STXBP5: variants seen among roughly 807,000 people sequenced by gnomAD.
The protein encoded by STXBP5 is syntaxin-binding protein 5.
In STXBP5, 50 loss-of-function variants were observed where a neutral mutation model predicts 152.4. The ratio of observed to expected loss-of-function variants is 0.33; its 90% confidence interval spans 0.26 to 0.42. The LOEUF (loss-of-function observed/expected upper bound fraction) is 0.42. STXBP5 is among the 10% of genes least tolerant of loss of function. The probability of loss-of-function intolerance (pLI) is 1.00; values close to 1 mark genes in which losing one functional copy is unlikely to be tolerated. For missense variants in STXBP5, 1,167 were observed against 1,388.6 expected (o/e 0.84, Z 2.54); for synonymous variants, 492 against 494.7 (o/e 0.99, Z 0.07).
chr6:147,326,119 A>G (rs1315308327), intron 17 of STXBP5, among the ~76,000 whole-genome samples: 2 of 152,162 alleles, frequency 1.3e-5, no homozygotes. Context: ...CCAAGGGACA[A>G]CTGTACATCA....
chr6:147,207,201 ATG>A (rs1776611736), intron 2 of STXBP5, among the ~76,000 whole-genome samples: 1 of 152,186 alleles, frequency 6.6e-6, no homozygotes, highest in African/African-American at 2.4e-5. Flanking sequence ...AAGAAGTACT[ATG>A]TGATACATAC....
At chr6:147,285,729 C>G (rs116014545) in intron 8 of STXBP5, among the ~76,000 whole-genome samples, 1 of 152,056 alleles carries the variant, frequency 6.6e-6, no homozygotes, top group African/African-American at 2.4e-5. Flanking sequence ...TTGTACCTAG[C>G]CAGGTTTTTT....
chr6:147,274,142 C>T (rs1049169377), intron 7 of STXBP5, among the ~76,000 whole-genome samples: 3 of 152,138 alleles, frequency 2.0e-5, no homozygotes, highest in Non-Finnish European at 4.4e-5. Flanking sequence ...CAAACATACA[C>T]ATGCACACAC....
chr6:147,345,727 T>C (rs1223229965), intron 21 of STXBP5, among the ~76,000 whole-genome samples: 1 of 152,180 alleles, frequency 6.6e-6, no homozygotes. Flanking sequence ...AATGCTTGTT[T>C]AGAAAAAAGA....
intron 2 of STXBP5, among the ~76,000 whole-genome samples, chr6:147,217,496 T>C (rs748138780): frequency 3.3e-5 from 5 of 152,224 alleles, no homozygotes; most frequent in Non-Finnish European, 5.9e-5. Context: ...TATTTATCTA[T>C]CAAAAGCCAT....
intron 25 of STXBP5, among the ~76,000 whole-genome samples, chr6:147,366,266 A>G (rs1785285814): frequency 6.6e-6 from 1 of 152,206 alleles, no homozygotes. Context: ...AAAAAGAACC[A>G]TCTGAAAGGA....
At position 147,389,562 on chromosome 6, in the gene STXBP5, T is replaced by C. The variant is rs1331563845; in HGVS notation, c.*4807T>C. On this transcript the variant is annotated 3_prime_UTR_variant, in exon 28 of 28. Coordinates refer to ENST00000321680, the MANE Select transcript of STXBP5 (RefSeq NM_001127715.4). ...AGTATTTTACAATGAGGCTTATCGT[T>C]TAAAATTTTATAGTGTATGACATGT... 1 of 151,884 alleles carries C rather than the reference T, an allele frequency of 6.6e-6. No homozygotes were observed. The highest frequency in any genetic ancestry group is 2.4e-5 in the African/African-American group (1 of 41,430). 9.4% of individuals were successfully genotyped at this position (151,884 alleles called of 1,614,324 possible). A position where few individuals can be genotyped will look rare whatever the true frequency, so the allele number is the denominator to read the frequency against.
intron 2 of STXBP5, among the ~76,000 whole-genome samples, chr6:147,207,636 G>A (rs577288300): frequency 3.7e-4 from 57 of 152,290 alleles, no homozygotes; most frequent in Non-Finnish European, 6.2e-4. Context: ...CTAGTACAGC[G>A]TTGGATCTAG....
chr6:147,252,238 T>C (rs1779133656), intron 4 of STXBP5, among the ~76,000 whole-genome samples: 1 of 152,074 alleles, frequency 6.6e-6, no homozygotes, highest in South Asian at 2.1e-4. Context: ...TTTGACGAAT[T>C]GACAGAAGTA....
chr6:147,258,957 A>G (rs981014454), intron 4 of STXBP5, among the ~76,000 whole-genome samples: 6 of 152,110 alleles, frequency 3.9e-5, no homozygotes, highest in Admixed American at 1.3e-4. Flanking sequence ...AGCCATGACA[A>G]TTTGCCAGTT....
At position 147,231,570 on chromosome 6, in the gene STXBP5, G is replaced by A. The variant is rs192096949; in HGVS notation, c.249-3680G>A. Among the ~76,000 whole-genome samples the A allele has an allele frequency of 8.6e-3, 1,301 of 151,922 alleles. 25 individuals carry two copies. The highest frequency in any genetic ancestry group is 0.03 in the African/African-American group (1,248 of 41,522). On this transcript the variant is annotated intron_variant, in intron 2 of 27. Coordinates refer to ENST00000321680, the MANE Select transcript of STXBP5 (RefSeq NM_001127715.4). ...AATACATTGAAGTTTAGAGTTACAA[G>A]CTAAGATACAGTGACAGAAAAATAT...
rs373438109 is a variant in STXBP5 at position 147,311,568 on chromosome 6, G to A, written c.1145+41G>A. ...TGGTGAGTGATTCTATCAGTATGTGGTTGAAAAAAGATGCCTTTTATCATA... is the reference window on the plus strand; with the variant it reads ...TGGTGAGTGATTCTATCAGTATGTGATTGAAAAAAGATGCCTTTTATCATA... On this transcript the variant is annotated intron_variant, in intron 11 of 27. Coordinates refer to ENST00000321680, the MANE Select transcript of STXBP5 (RefSeq NM_001127715.4). 10 of 1,481,196 alleles carry A rather than the reference G, an allele frequency of 6.8e-6. No homozygotes were observed. The African/African-American group carries it at 7.0e-5, about 10-fold the overall frequency. The allele number at this position is 1,481,196 out of a possible 1,614,324, so 91.8% of individuals were successfully genotyped here.
chr6:147,332,263 T>G (rs1232380758), intron 18 of STXBP5, among the ~76,000 whole-genome samples: 1 of 152,158 alleles, frequency 6.6e-6, no homozygotes, highest in Non-Finnish European at 1.5e-5. Context: ...GACAAAATTC[T>G]CTACCCTCAT....
chr6:147,316,709 T>G (rs1562482868), intron 16 of STXBP5, among the ~76,000 whole-genome samples: 1 of 152,212 alleles, frequency 6.6e-6, no homozygotes, highest in Admixed American at 6.5e-5. Context: ...GTTTTTAGTC[T>G]TGATTTATAT....
At chr6:147,229,933 C>T (rs981845701) in intron 2 of STXBP5, among the ~76,000 whole-genome samples, 1 of 151,786 alleles carries the variant, frequency 6.6e-6, no homozygotes, top group Non-Finnish European at 1.5e-5. Flanking sequence ...GTCTTTTTCC[C>T]CATCTTAGTG....
intron 9 of STXBP5, among the ~76,000 whole-genome samples, chr6:147,293,915 T>C (rs1366646950): frequency 6.6e-6 from 1 of 152,184 alleles, no homozygotes; most frequent in Admixed American, 6.5e-5. Flanking sequence ...ATTGAAAAGA[T>C]AGTGATAAAG....
intron 16 of STXBP5, among the ~76,000 whole-genome samples, chr6:147,320,262 G>A (rs962213238): frequency 6.6e-6 from 1 of 152,150 alleles, no homozygotes; most frequent in African/African-American, 2.4e-5. Context: ...TCCTGGTACT[G>A]ACTGACCTGT....
chr6:147,338,242 C>A (rs924481352), intron 19 of STXBP5, among the ~76,000 whole-genome samples: 14 of 152,016 alleles, frequency 9.2e-5, no homozygotes, highest in African/African-American at 3.4e-4. Context: ...TTTGGAAGTT[C>A]ATTCCAGTGA....
At chr6:147,322,383 A>G (rs1012848203) in intron 16 of STXBP5, among the ~76,000 whole-genome samples, 9 of 152,190 alleles carry the variant, frequency 5.9e-5, no homozygotes, top group Non-Finnish European at 8.8e-5. Context: ...GCAAACCTTG[A>G]CCAGCCAGAA....
Sources: gnomAD v4.1 joint callset for allele counts (sites outside exome capture counted in the v4.1 genomes callset) on GRCh38, gnomAD v4.1.1 for gene constraint, MANE v1.5 for transcripts, NCBI Gene and HGNC (gene_info 2026-07-23, HGNC 2026-07-21) for gene names.